The following CSMD1 variants were observed in gnomAD, a reference collection of about 807,000 sequenced individuals.
The protein encoded by CSMD1 is CUB and sushi domain-containing protein 1.
In CSMD1, 213 loss-of-function variants were observed where a neutral mutation model predicts 417.5. The observed-to-expected ratio is 0.51, with a 90% CI of 0.46 to 0.57. The LOEUF (loss-of-function observed/expected upper bound fraction) is 0.57, where lower values mean the gene tolerates loss of function less well. Among genes scored for constraint, CSMD1 ranks in the 20% least tolerant of loss-of-function variants. CSMD1 has a pLI of 0.00. For missense variants in CSMD1, 6,923 were observed against 4,529.7 expected, an observed-to-expected ratio of 1.53 and a Z score of -15.17; for synonymous variants, 2,862 against 1,736.8, an observed-to-expected ratio of 1.65 and a Z score of -16.11.
chr8:3,704,744 G>A (rs1275963473), intron 7 of CSMD1: 1 of 152,200 alleles, frequency 6.6e-6, no homozygotes, highest in Non-Finnish European at 1.5e-5. Flanking sequence ...CACTGACCTT[G>A]ATCTGTTTAA....
At chr8:2,965,537 C>T (rs1171825227) in intron 59 of CSMD1, among the ~76,000 whole-genome samples, 1 of 152,162 alleles carries the variant, frequency 6.6e-6, no homozygotes, top group Non-Finnish European at 1.5e-5. Context: ...CCCGACATCT[C>T]CAGTTCCTGG....
intron 1 of CSMD1, among the ~76,000 whole-genome samples, chr8:4,706,841 G>C (rs942847854): frequency 6.6e-5 from 10 of 152,208 alleles, no homozygotes; most frequent in African/African-American, 9.6e-5. Flanking sequence ...CCGATTGAGA[G>C]AATGGGGGAA....
chr8:3,838,902 A>G (rs1802903868), intron 5 of CSMD1, among the ~76,000 whole-genome samples: 1 of 89,860 alleles, frequency 1.1e-5, no homozygotes, highest in African/African-American at 5.7e-5. Context: ...ATAATAATAT[A>G]TACTCTAGAT....
chr8:3,484,252 A>G (rs1226575139), intron 11 of CSMD1, among the ~76,000 whole-genome samples: 1 of 152,248 alleles, frequency 6.6e-6, no homozygotes, highest in East Asian at 1.9e-4. Flanking sequence ...TCAGTGTAAC[A>G]GAACAGAGAG....
intron 6 of CSMD1, among the ~76,000 whole-genome samples, chr8:3,747,284 G>A (rs936419395): frequency 2.6e-5 from 4 of 152,172 alleles, no homozygotes; most frequent in African/African-American, 7.2e-5. Flanking sequence ...CCATCCAGGA[G>A]GGATTCTCTA....
intron 3 of CSMD1, among the ~76,000 whole-genome samples, chr8:4,328,819 G>A (rs1799703561): frequency 6.6e-6 from 1 of 152,158 alleles, no homozygotes; most frequent in Admixed American, 6.5e-5. Context: ...AAATAACACT[G>A]TGGTTTTAGA....
At chr8:3,615,438 T>G (rs1348643064) in intron 8 of CSMD1, among the ~76,000 whole-genome samples, 1 of 152,210 alleles carries the variant, frequency 6.6e-6, no homozygotes, top group East Asian at 1.9e-4. Context: ...AAATTTCATC[T>G]CAAGCTCTGC....
intron 12 of CSMD1, among the ~76,000 whole-genome samples, chr8:3,426,967 G>A (rs889429816): frequency 2.0e-5 from 3 of 152,156 alleles, no homozygotes; most frequent in African/African-American, 7.2e-5. Context: ...GGGAAGCAAA[G>A]TGCCTTCTTC....
chr8:3,912,664 G>C (rs545783579), intron 5 of CSMD1, among the ~76,000 whole-genome samples: 3 of 152,136 alleles, frequency 2.0e-5, no homozygotes, highest in African/African-American at 4.8e-5. Context: ...AAAAAGTGGA[G>C]CATGTTTGAT....
Position 4,193,148 on chromosome 8 carries a change from A to T in CSMD1, c.416-161049T>A, listed in dbSNP as rs541254181. 3.3e-5 allele frequency among the ~76,000 whole-genome samples: 5 copies of T among 152,324 alleles called. No homozygotes were observed. In the South Asian group the frequency reaches 8.3e-4, roughly 25 times the overall value. ...CTTTCAGGAAAGACATCTGTAAAAG[A>T]TAAGTTGCCCAGTACCATGCATTTA... On this transcript the variant is annotated intron_variant, in intron 3 of 69. Transcript: ENST00000635120.
rs189480493 is a variant in CSMD1 at position 3,522,718 on chromosome 8, T to C, written c.1345-28992A>G. On this transcript the variant is annotated intron_variant, in intron 10 of 69. Coordinates refer to ENST00000635120, the MANE Select transcript of CSMD1 (RefSeq NM_033225.6). ...CCGGTACATTCACACCGATACTGAT[T>C]CTGCACCTTAATATGTGGCATTCGG... Among the ~76,000 whole-genome samples the C allele has an allele frequency of 3.3e-3, 500 of 152,144 alleles. 2 individuals are homozygous for C. The highest frequency in any genetic ancestry group is 5.6e-3 in the Admixed American group (86 of 15,258).
At chr8:3,911,711 A>G (rs1227077579) in intron 5 of CSMD1, among the ~76,000 whole-genome samples, 12 of 152,234 alleles carry the variant, frequency 7.9e-5, no homozygotes, top group African/African-American at 2.2e-4. Context: ...CTCGCCTATC[A>G]AACTCCAGAA....
chr8:4,924,677 G>A (rs1484156036), intron 1 of CSMD1, among the ~76,000 whole-genome samples: 10 of 115,182 alleles, frequency 8.7e-5, no homozygotes, highest in African/African-American at 1.7e-4. Context: ...AGCCGAGATC[G>A]CACCATTGCA....
intron 1 of CSMD1, among the ~76,000 whole-genome samples, chr8:4,917,398 G>A (rs1050234117): frequency 2.0e-5 from 3 of 152,160 alleles, no homozygotes; most frequent in Non-Finnish European, 2.9e-5. Context: ...ACTTTGGGAG[G>A]CCAAGGTGGG....
intron 3 of CSMD1, among the ~76,000 whole-genome samples, chr8:4,344,155 T>C (rs962533563): frequency 3.9e-5 from 6 of 152,126 alleles, no homozygotes; most frequent in African/African-American, 1.4e-4. Context: ...AGAAATGCCT[T>C]GTTAATCTGC....
At chr8:3,738,696 C>G (rs1347384609) in intron 6 of CSMD1, among the ~76,000 whole-genome samples, 2 of 152,166 alleles carry the variant, frequency 1.3e-5, no homozygotes, top group East Asian at 3.9e-4. Context: ...TGCACACAGA[C>G]ACATGGAAGG....
intron 5 of CSMD1, among the ~76,000 whole-genome samples, chr8:3,770,877 T>C (rs975496781): frequency 1.3e-5 from 2 of 152,218 alleles, no homozygotes; most frequent in East Asian, 1.9e-4. Flanking sequence ...TCATATTTTT[T>C]AGTCTCATAG....
At chr8:4,925,622 C>G (rs895948733) in intron 1 of CSMD1, among the ~76,000 whole-genome samples, 1 of 151,550 alleles carries the variant, frequency 6.6e-6, no homozygotes, top group Non-Finnish European at 1.5e-5. Flanking sequence ...TCTCGGCTCA[C>G]TGCAAGCTCT....
At chr8:4,530,635 G>A (rs1409956655) in intron 2 of CSMD1, among the ~76,000 whole-genome samples, 1 of 151,064 alleles carries the variant, frequency 6.6e-6, no homozygotes, top group Non-Finnish European at 1.5e-5. Flanking sequence ...TGAGGATGAT[G>A]GTTTCTAGCT....
Sources: allele counts gnomAD v4.1 joint callset (sites outside exome capture counted in the v4.1 genomes callset), GRCh38; gene constraint gnomAD v4.1.1; transcripts MANE v1.5; gene names NCBI Gene and HGNC (gene_info 2026-07-23, HGNC 2026-07-21).